The following ITSN2 variants were observed in gnomAD, a reference collection of about 807,000 sequenced individuals.
The protein encoded by ITSN2 is intersectin 2, also known as intersectin-2.
Under a neutral mutation model 243.7 loss-of-function variants are expected in ITSN2, and 156 were observed. The observed-to-expected ratio is 0.64, with a 90% CI of 0.56 to 0.73. The LOEUF (loss-of-function observed/expected upper bound fraction) is 0.73. ITSN2 is among the 30% of genes least tolerant of loss of function. ITSN2 has a pLI of 0.00. For missense variants in ITSN2, 1,801 were observed against 1,996.1 expected (o/e 0.90, Z 1.86); for synonymous variants, 703 against 699.9 (o/e 1.00, Z -0.07).
intron 35 of ITSN2, 93 bp downstream of exon 35, chr2:24,209,725 G>A (rs979648727): frequency 1.2e-5 from 12 of 1,003,116 alleles, no homozygotes; most frequent in African/African-American, 1.6e-5. Flanking sequence ...GGAGGGTCCC[G>A]TAAGGCCAGC....
intron 1 of ITSN2, among the ~76,000 whole-genome samples, chr2:24,337,283 A>ATGTG (rs1311793889): frequency 3.5e-4 from 10 of 28,626 alleles, no homozygotes; most frequent in Admixed American, 1.6e-3. Context: ...ATATGTATGT[A>ATGTG]TGTGTGTGTG....
rs1441071096 is a variant in ITSN2, at chr2:24,204,113, C to T, written c.4936+132G>A. ...GAAGGCCACCCACCTGCTGCCAAAG[C>T]GAGATGACACAGGCCTGTGTCACTT... On this transcript the variant is annotated intron_variant, in intron 39 of 39. Coordinates refer to ENST00000355123, the MANE Select transcript of ITSN2 (RefSeq NM_006277.3). This position sits in a 1 kb window ranked among gnomAD's most constrained non-coding sequence, Gnocchi z 5.1. 1.6e-5 allele frequency: 14 copies of T among 891,586 alleles called. No homozygotes were observed. Among genetic ancestry groups the T allele is most frequent in the African/African-American group, 3.4e-5 (2 of 59,248 alleles). 55.2% of individuals were successfully genotyped at this position (891,586 alleles called of 1,614,324 possible). A position where few individuals can be genotyped will look rare whatever the true frequency, so the allele number is the denominator to read the frequency against.
At chr2:24,355,562 C>T (rs1688368885) in intron 1 of ITSN2, among the ~76,000 whole-genome samples, 1 of 152,182 alleles carries the variant, frequency 6.6e-6, no homozygotes, top group Non-Finnish European at 1.5e-5. Flanking sequence ...CACTTCCTTA[C>T]ACCTTATACA....
rs533044491 is a variant in ITSN2, at chr2:24,359,908, A to C, written c.-34+396T>G. Among the ~76,000 whole-genome samples the C allele has an allele frequency of 4.6e-5, 7 of 152,232 alleles. No homozygotes were observed. In the South Asian group the frequency reaches 1.4e-3, roughly 32 times the overall value. ...GCGAAAATAAAATGGGTCCCCGAGG[A>C]GGCGTGCGGGTGCCCCCAGAGCTCT... On this transcript the variant is annotated intron_variant, in intron 1 of 39. Coordinates refer to ENST00000355123, the MANE Select transcript of ITSN2 (RefSeq NM_006277.3).
At chr2:24,347,692 A>G (rs1351713401) in intron 1 of ITSN2, among the ~76,000 whole-genome samples, 1 of 149,774 alleles carries the variant, frequency 6.7e-6, no homozygotes, top group African/African-American at 2.5e-5. Context: ...ATCTCAAAAA[A>G]AAAATTGTAG....
At chr2:24,297,000 C>A (rs895558296) in intron 13 of ITSN2, among the ~76,000 whole-genome samples, 5 of 152,052 alleles carry the variant, frequency 3.3e-5, no homozygotes, top group Admixed American at 1.3e-4. Context: ...GAAAAACAAT[C>A]AATCTTAAGG....
At chr2:24,281,697 C>T (rs958226856) in intron 17 of ITSN2, among the ~76,000 whole-genome samples, 2 of 152,232 alleles carry the variant, frequency 1.3e-5, no homozygotes, top group African/African-American at 4.8e-5. Flanking sequence ...TTTTCCTCTA[C>T]TAAGCTTGCA....
At chr2:24,258,456 T>C (rs1034918229) in intron 22 of ITSN2, among the ~76,000 whole-genome samples, 6 of 152,196 alleles carry the variant, frequency 3.9e-5, no homozygotes, top group African/African-American at 1.4e-4. Context: ...AATGTAATTC[T>C]GTTTACTCCA....
intron 2 of ITSN2, among the ~76,000 whole-genome samples, chr2:24,326,044 G>A (rs1312702353): frequency 1.3e-5 from 2 of 152,106 alleles, no homozygotes; most frequent in East Asian, 1.9e-4. Flanking sequence ...ATTACTAGAG[G>A]AGCAAAGTTT....
At chr2:24,243,358 G>A (rs1424386302) in intron 29 of ITSN2, among the ~76,000 whole-genome samples, 1 of 152,140 alleles carries the variant, frequency 6.6e-6, no homozygotes, top group Non-Finnish European at 1.5e-5. Flanking sequence ...TGAACAGTGG[G>A]AAGAATGTTA....
At chr2:24,298,212 C>T (rs976177845) in intron 13 of ITSN2, among the ~76,000 whole-genome samples, 2 of 152,100 alleles carry the variant, frequency 1.3e-5, no homozygotes, top group Non-Finnish European at 2.9e-5. Context: ...GGCTCGAGTG[C>T]AGTGGCGCGA....
Position 24,261,231 on chromosome 2 carries a change from G to C in ITSN2, c.2557C>G (p.Pro853Ala). 1.9e-6 allele frequency: 3 copies of C among 1,611,372 alleles called. No homozygotes were observed. Among genetic ancestry groups the C allele is most frequent in the Non-Finnish European group, 2.5e-6 (3 of 1,177,922 alleles). Reference protein sequence around the residue: ...TSSEPLSSNQPASVTDYQNVS... With the variant: ...TSSEPLSSNQAASVTDYQNVS... ...TTTTGATAATCAGTCACTGATGCTG[G>C]TTGATTTGAAGAAAGTGGTCTGCAA... is the stretch of plus-strand genomic sequence containing the variant. The change falls in exon 22 of 40, where the codon CCA (proline) becomes GCA (alanine). Residue 853 changes from proline (P) to alanine (A), a missense_variant. Coordinates refer to ENST00000355123, the MANE Select transcript of ITSN2 (RefSeq NM_006277.3).
chr2:24,304,807 G>A (rs554571167), intron 8 of ITSN2, among the ~76,000 whole-genome samples: 2 of 152,260 alleles, frequency 1.3e-5, no homozygotes, highest in Non-Finnish European at 2.9e-5. Flanking sequence ...AATCATACTC[G>A]TGGAGGGCTT....
chr2:24,207,439 T>C (rs1669012005), intron 37 of ITSN2, among the ~76,000 whole-genome samples: 1 of 151,976 alleles, frequency 6.6e-6, no homozygotes, highest in South Asian at 2.1e-4. Flanking sequence ...CGATGTGTGA[T>C]GTGGGAGCAG....
intron 27 of ITSN2, among the ~76,000 whole-genome samples, 168 bp from the exon 28 acceptor site, chr2:24,247,061 T>C (rs993867896): frequency 1.3e-5 from 2 of 152,232 alleles, no homozygotes; most frequent in African/African-American, 2.4e-5. Context: ...CTCTAAATCC[T>C]TGGACTATCC....
intron 20 of ITSN2, among the ~76,000 whole-genome samples, chr2:24,268,479 T>C (rs964794520): frequency 6.6e-6 from 1 of 152,160 alleles, no homozygotes; most frequent in Admixed American, 6.5e-5. Context: ...CTCCATCTAT[T>C]AGTCAGAACA....
chr2:24,217,080 T>G (rs1670032899), intron 31 of ITSN2, among the ~76,000 whole-genome samples: 1 of 41,848 alleles, frequency 2.4e-5, no homozygotes, highest in Non-Finnish European at 4.3e-5. Flanking sequence ...CGAGACTCCG[T>G]CTCAAAAAAA....
Position 24,293,770 on chromosome 2 carries a change from A to T in ITSN2, c.1641T>A (p.Tyr547Ter). ...GTACCAGATAGATAAGCTTATTCTGATATTCCTTATAAAAAGAAAAAATAG... is the reference window on the plus strand; with the variant it reads ...GTACCAGATAGATAAGCTTATTCTGTTATTCCTTATAAAAAGAAAAAATAG... ...IKQLQQELQEYQNKLIYLVPE... is the reference protein window; with the variant it reads ...IKQLQQELQE The change falls in exon 15 of 40, where the codon TAT (tyrosine) becomes TAA (stop). Residue 547 changes from tyrosine (Y) to a stop codon, truncating the protein, a stop_gained. Transcript: ENST00000355123. LOFTEE classifies it high-confidence loss of function. The T allele has an allele frequency of 1.1e-6, 1 of 950,846 alleles. No homozygotes were observed. Among genetic ancestry groups the T allele is most frequent in the Non-Finnish European group, 1.6e-6 (1 of 628,924 alleles). The allele number at this position is 950,846 out of a possible 1,614,324, so 58.9% of individuals were successfully genotyped here. A position where few individuals can be genotyped will look rare whatever the true frequency, so the allele number is the denominator to read the frequency against.
chr2:24,305,419 T>C (rs894728934), intron 8 of ITSN2, among the ~76,000 whole-genome samples: 2 of 151,774 alleles, frequency 1.3e-5, no homozygotes, highest in Admixed American at 1.3e-4. Flanking sequence ...CTGGCCAACA[T>C]GGCAAAACCT....
Sources: allele counts gnomAD v4.1 joint callset (sites outside exome capture counted in the v4.1 genomes callset), GRCh38; gene constraint gnomAD v4.1.1; non-coding constraint Gnocchi (gnomAD v3.1); transcripts MANE v1.5; gene names NCBI Gene and HGNC (gene_info 2026-07-23, HGNC 2026-07-21).